The following PIWIL2 variants were observed in gnomAD, a reference collection of about 807,000 sequenced individuals.
The protein encoded by PIWIL2 is piwi-like protein 2.
A neutral mutation model predicts 116.5 loss-of-function variants in PIWIL2; 81 were observed. The observed-to-expected ratio is 0.70, with a 90% CI of 0.58 to 0.84. The LOEUF (loss-of-function observed/expected upper bound fraction) is 0.84, where lower values mean the gene tolerates loss of function less well. Among genes scored for constraint, PIWIL2 ranks in the 40% least tolerant of loss-of-function variants. The pLI, the probability that PIWIL2 is intolerant of heterozygous loss-of-function variation, is 0.00. For synonymous variants in PIWIL2, 489 were observed against 429.5 expected (o/e 1.14, Z -1.71); for missense variants, 1,272 against 1,212.3 (o/e 1.05, Z -0.73).
intron 15 of PIWIL2, 49 bp downstream of exon 15, chr8:22,310,123 GT>G: frequency 1.0e-6 from 1 of 968,520 alleles, no homozygotes; most frequent in South Asian, 1.3e-5. Context: ...TCCCCAAAGT[GT>G]GGGAATTAGG....
chr8:22,317,918 C>T (rs1417630418), intron 19 of PIWIL2, among the ~76,000 whole-genome samples: 1 of 152,126 alleles, frequency 6.6e-6, no homozygotes, highest in African/African-American at 2.4e-5. Flanking sequence ...ACCTTGGCCT[C>T]CCAAAGTGCT....
rs755875113 is a variant in PIWIL2 at position 22,287,595 on chromosome 8, G to A, written c.811G>A (p.Val271Ile). 5.0e-6 allele frequency: 8 copies of A among 1,613,772 alleles called. 1 individual carries two copies. The Admixed American group carries it at 6.7e-5, about 13-fold the overall frequency. ...LKDHQAVTGN[V>I]TAFDGSILYL... ...GGACCATCAAGCTGTCACCGGCAAC[G>A]TCACTGCGTTTGATGGATCTATTCT... The change falls in exon 7 of 23, where the codon GTC (valine) becomes ATC (isoleucine). Residue 271 changes from valine to isoleucine, a missense_variant. Physicochemically the swap from Val to Ile is conservative, Grantham distance 29. Transcript: ENST00000356766.
chr8:22,350,988 A>T (rs145580796), intron 20 of PIWIL2, among the ~76,000 whole-genome samples: 3,193 of 152,184 alleles, frequency 0.021, 113 homozygotes, highest in African/African-American at 0.072. Context: ...TAAGAATACA[A>T]AAATTAGCCA....
In PIWIL2 at chr8:22,283,205, T is replaced by A; in HGVS notation, c.597T>A (p.Asp199Glu). ...CCCAGTCTCCCCTGCACTCTCCAGA[T>A]CGCCCTCTGGTCCTGACTGTGGAAC... ...ALPQSPLHSP[D>E]RPLVLTVEHK... The change falls in exon 5 of 23, where the codon GAT becomes GAA. Residue 199 changes from aspartate to glutamate, a missense_variant. Coordinates refer to ENST00000356766, the MANE Select transcript of PIWIL2 (RefSeq NM_018068.5). 1 of 1,613,974 alleles carries A rather than the reference T, an allele frequency of 6.2e-7. No individual in the cohort carries two copies.
In PIWIL2 at chr8:22,279,494, C is replaced by G; in HGVS notation, c.108C>G (p.Asp36Glu). ...GCWPQASKPL[D>E]PALGRGAPAG... ...GGCCACAAGCTTCTAAACCTTTGGA[C>G]CCAGCTCTGGGCAGGGGAGCACCTG... The change falls in exon 2 of 23, where the codon GAC becomes GAG. Residue 36 changes from aspartate to glutamate, a missense_variant. Physicochemically the swap from Asp to Glu is conservative, Grantham distance 45 (BLOSUM62 2). Transcript: ENST00000356766. 1 of 1,614,144 alleles carries G rather than the reference C, an allele frequency of 6.2e-7. No individual in the cohort carries two copies. The highest frequency in any genetic ancestry group is 8.5e-7 in the Non-Finnish European group (1 of 1,180,010).
chr8:22,301,670 G>A (rs1156521555), intron 10 of PIWIL2, among the ~76,000 whole-genome samples: 2 of 151,230 alleles, frequency 1.3e-5, no homozygotes, highest in Non-Finnish European at 2.9e-5. Flanking sequence ...ATAGGTTTTG[G>A]TTTTGTTGTC....
intron 20 of PIWIL2, among the ~76,000 whole-genome samples, chr8:22,337,957 G>T (rs1278633082): frequency 6.6e-6 from 1 of 152,006 alleles, no homozygotes; most frequent in Admixed American, 6.6e-5. Context: ...AGCAGGGTGT[G>T]GTGGTGCATG....
At chr8:22,349,419 G>GTATATATATATATATATATA (rs71206515) in intron 20 of PIWIL2, among the ~76,000 whole-genome samples, 1 of 134,436 alleles carries the variant, frequency 7.4e-6, no homozygotes, top group Non-Finnish European at 1.6e-5. Flanking sequence ...ATGTGTGTGT[G>GTATATATATATATATATATA]TATATATATA....
At chr8:22,287,727 T>A (rs1440446416) in intron 7 of PIWIL2, 82 bp downstream of exon 7, 2 of 890,852 alleles carry the variant, frequency 2.2e-6, no homozygotes, top group African/African-American at 1.6e-5. Flanking sequence ...TTTTAAGAGA[T>A]TGGGTCTTGC....
At chr8:22,277,887 G>A (rs1830413695) in intron 1 of PIWIL2, among the ~76,000 whole-genome samples, 1 of 152,152 alleles carries the variant, frequency 6.6e-6, no homozygotes, top group African/African-American at 2.4e-5. Flanking sequence ...ATTGTTTATA[G>A]GCCAGGCACA....
intron 20 of PIWIL2, among the ~76,000 whole-genome samples, chr8:22,335,543 CTTTTTT>C (rs59166171): frequency 1.6e-4 from 15 of 92,218 alleles, no homozygotes; most frequent in African/African-American, 4.6e-4. Flanking sequence ...ACAAAATAGA[CTTTTTT>C]TTTTTTTTTT....
intron 20 of PIWIL2, among the ~76,000 whole-genome samples, chr8:22,348,291 C>T (rs896973164): frequency 6.6e-6 from 1 of 152,114 alleles, no homozygotes; most frequent in African/African-American, 2.4e-5. Flanking sequence ...CTGAGCGAGA[C>T]TCCATCTCAA....
At chr8:22,351,792 G>A (rs1832368896) in intron 20 of PIWIL2, among the ~76,000 whole-genome samples, 1 of 151,620 alleles carries the variant, frequency 6.6e-6, no homozygotes, top group Admixed American at 6.6e-5. Context: ...ACCCACCTCG[G>A]CCTCTGAGAG....
At chr8:22,318,664 A>C (rs1164488976) in intron 20 of PIWIL2, among the ~76,000 whole-genome samples, 1 of 152,178 alleles carries the variant, frequency 6.6e-6, no homozygotes, top group Non-Finnish European at 1.5e-5. Context: ...CTTTACAGGA[A>C]GTCTGATGTG....
intron 6 of PIWIL2, among the ~76,000 whole-genome samples, chr8:22,286,723 A>G (rs1830637224): frequency 6.6e-6 from 1 of 152,084 alleles, no homozygotes; most frequent in Non-Finnish European, 1.5e-5. Flanking sequence ...CCAGGCTGAA[A>G]TGATTCTCAT....
intron 20 of PIWIL2, among the ~76,000 whole-genome samples, chr8:22,352,383 G>A (rs114750975): frequency 0.013 from 1,909 of 152,300 alleles, 43 homozygotes; most frequent in African/African-American, 0.044. Flanking sequence ...CTAGCTGTTT[G>A]CTAATTACTT....
At chr8:22,346,163 G>A (rs1399663855) in intron 20 of PIWIL2, among the ~76,000 whole-genome samples, 1 of 152,128 alleles carries the variant, frequency 6.6e-6, no homozygotes, top group Non-Finnish European at 1.5e-5. Flanking sequence ...GTTCAAGGCT[G>A]CAGTGAGCTT....
chr8:22,334,633 G>A (rs988857716), intron 20 of PIWIL2, among the ~76,000 whole-genome samples: 1 of 152,038 alleles, frequency 6.6e-6, no homozygotes, highest in African/African-American at 2.4e-5. Flanking sequence ...TGGTCAGGCT[G>A]TTGGGTCAAG....
intron 2 of PIWIL2, among the ~76,000 whole-genome samples, chr8:22,280,285 T>C (rs1484611789): frequency 6.6e-6 from 1 of 152,214 alleles, no homozygotes; most frequent in Non-Finnish European, 1.5e-5. Flanking sequence ...ATAATACTTT[T>C]GTTCATTTTG....
Sources: allele counts gnomAD v4.1 joint callset (sites outside exome capture counted in the v4.1 genomes callset), GRCh38; gene constraint gnomAD v4.1.1; transcripts MANE v1.5; gene names NCBI Gene and HGNC (gene_info 2026-07-23, HGNC 2026-07-21).